Variants in EDN3 observed in about 807,000 individuals in gnomAD.
EDN3 encodes endothelin-3.
In EDN3, 9 loss-of-function variants were observed where a neutral mutation model predicts 21.4. That is an observed-to-expected ratio of 0.42 (90% CI 0.25 to 0.73). The LOEUF is 0.73. EDN3 is among the 30% of genes least tolerant of loss of function. The pLI is 0.26. For missense variants in EDN3, 327 were observed against 309.4 expected, an observed-to-expected ratio of 1.06 and a Z score of -0.43; for synonymous variants, 133 against 126.2, an observed-to-expected ratio of 1.05 and a Z score of -0.36.
chr20:59,319,827 T>C (rs565506202), intron 2 of EDN3, among the ~76,000 whole-genome samples: 34 of 152,180 alleles, frequency 2.2e-4, no homozygotes, highest in African/African-American at 7.9e-4. Context: ...TAATTGGTAC[T>C]ACTCAGTGGG....
At chr20:59,308,257 CT>C (rs1989562320) in intron 2 of EDN3, among the ~76,000 whole-genome samples, 1 of 152,218 alleles carries the variant, frequency 6.6e-6, no homozygotes, top group South Asian at 2.1e-4. Context: ...AGTCTCATTC[CT>C]GGTGCAGGAT....
chr20:59,313,355 G>T (rs1035583303), intron 2 of EDN3, among the ~76,000 whole-genome samples: 3 of 152,194 alleles, frequency 2.0e-5, no homozygotes, highest in African/African-American at 7.2e-5. Context: ...GAGCCAGGGG[G>T]TTGTGCCTGG....
chr20:59,322,177 G>A lies in EDN3; in HGVS notation c.543-195G>A, dbSNP rs529324333. On this transcript the variant is annotated intron_variant, in intron 3 of 4. Transcript: ENST00000337938. The surrounding 1 kb of genome is among the most constrained non-coding windows in gnomAD (Gnocchi z 4.1). ...TTAAACATCCGATGAATAAGTGAGT[G>A]GTGAGTATATTCTGTACTTTGGTAG... Among the ~76,000 whole-genome samples, 1 of 152,298 alleles carries A rather than the reference G, an allele frequency of 6.6e-6. No individual in the cohort carries two copies. Among genetic ancestry groups the A allele is most frequent in the Admixed American group, 6.5e-5 (1 of 15,300 alleles).
In EDN3 at chr20:59,300,821, G is replaced by A. The variant is rs1310752559; in HGVS notation, c.9G>A (p.Pro3=). Residue 3 remains proline, a synonymous_variant, in exon 1 of 5, where the codon CCG becomes CCA. Coordinates refer to ENST00000337938, the MANE Select transcript of EDN3 (RefSeq NM_207034.3). The part of the protein sequence containing the change: ME[P]GLWLLFGLTV... ...GCGCCTGATCTAGGTTCATGGAGCCGGGGCTGTGGCTCCTTTTCGGGCTCA... is the reference window on the plus strand; with the variant it reads ...GCGCCTGATCTAGGTTCATGGAGCCAGGGCTGTGGCTCCTTTTCGGGCTCA... 1 of 1,611,128 alleles carries A rather than the reference G, an allele frequency of 6.2e-7. No individual in the cohort carries two copies.
At chr20:59,316,261 A>G (rs1990178752) in intron 2 of EDN3, among the ~76,000 whole-genome samples, 2 of 152,240 alleles carry the variant, frequency 1.3e-5, no homozygotes, top group Admixed American at 6.5e-5. Context: ...TCAGTACTGG[A>G]TTAAAAGTGT....
Position 59,308,584 on chromosome 20 carries a change from C to A in EDN3, c.365+6862C>A, listed in dbSNP as rs948509056. Among the ~76,000 whole-genome samples the A allele has an allele frequency of 7.9e-5, 12 of 152,312 alleles. 1 individual carries two copies. In the South Asian group the frequency reaches 1.2e-3, roughly 16 times the overall value. The stretch of plus-strand genomic sequence containing the variant: ...GTCACCTCTGAGACCTTCAGTGTCC[C>A]CATCTAGAGAGTGGGGGAATAGATA... On this transcript the variant is annotated intron_variant, in intron 2 of 4. Transcript: ENST00000337938.
At chr20:59,310,064 A>G (rs76389807) in intron 2 of EDN3, among the ~76,000 whole-genome samples, 49 of 152,298 alleles carry the variant, frequency 3.2e-4, no homozygotes, top group African/African-American at 9.4e-4. Flanking sequence ...AGGCACATGA[A>G]AGGCTCTGAT....
chr20:59,324,385 C>G lies in EDN3; in HGVS notation c.643C>G (p.Leu215Val). 6.2e-7 allele frequency: 1 copy of G among 1,614,186 alleles called. No individual in the cohort carries two copies. The highest frequency in any genetic ancestry group is 1.1e-5 in the South Asian group (1 of 91,080). ...KQALDLHHPK[L>V]MPGSGLALAP... ...GGCTTTAGACCTCCACCATCCAAAGCTCATGCCCGGCAGTGGACTCGCCCT... is the reference window on the plus strand; with the variant it reads ...GGCTTTAGACCTCCACCATCCAAAGGTCATGCCCGGCAGTGGACTCGCCCT... The change falls in exon 5 of 5, where the codon CTC (leucine) becomes GTC (valine). Residue 215 changes from leucine (L) to valine (V), a missense_variant. Transcript: ENST00000337938.
chr20:59,321,297 A>G (rs1990529930), intron 3 of EDN3, 104 bp downstream of exon 3: 2 of 1,326,236 alleles, frequency 1.5e-6, no homozygotes, highest in East Asian at 4.6e-5. Flanking sequence ...GTTCAGTCAC[A>G]TCCTGACCTA....
chr20:59,300,733 C>A lies in EDN3; in HGVS notation c.-80C>A. The stretch of plus-strand genomic sequence containing the variant: ...CCCCACAGCTGGAGGGCGAGGCCAG[C>A]TGTACCCGGCCCCAGTGCCCTTTCG... On this transcript the variant is annotated 5_prime_UTR_variant, in exon 1 of 5. In the 5' UTR this introduces an upstream ATG that the reference lacks. Transcript: ENST00000337938. The A allele has an allele frequency of 1.4e-6, 2 of 1,473,254 alleles. No individual in the cohort carries two copies. The highest frequency in any genetic ancestry group is 9.3e-7 in the Non-Finnish European group (1 of 1,079,016). The allele number at this position is 1,473,254 out of a possible 1,614,324, so 91.3% of individuals were successfully genotyped here. A position where few individuals can be genotyped will look rare whatever the true frequency, so the allele number is the denominator to read the frequency against.
intron 2 of EDN3, among the ~76,000 whole-genome samples, chr20:59,315,658 C>A (rs1257683598): frequency 2.6e-5 from 4 of 152,160 alleles, no homozygotes; most frequent in Non-Finnish European, 5.9e-5. Context: ...ATGGAATAAA[C>A]CACTAGACTA....
chr20:59,304,270 A>T (rs1467460845), intron 2 of EDN3, among the ~76,000 whole-genome samples: 2 of 152,182 alleles, frequency 1.3e-5, no homozygotes, highest in Non-Finnish European at 2.9e-5. Context: ...AAAATCACTG[A>T]ATTGAGCAAA....
intron 2 of EDN3, among the ~76,000 whole-genome samples, chr20:59,308,760 C>T (rs149770): frequency 0.14 from 20,941 of 152,204 alleles, 4,130 homozygotes; most frequent in African/African-American, 0.44. Flanking sequence ...AGAAGCCCTT[C>T]CTGGGCCAAA....
chr20:59,307,101 C>T (rs902131500), intron 2 of EDN3, among the ~76,000 whole-genome samples: 3 of 152,260 alleles, frequency 2.0e-5, no homozygotes, highest in Non-Finnish European at 2.9e-5. Flanking sequence ...GCAGAGATCA[C>T]GCCACTGCAC....
At chr20:59,307,744 A>G (rs1392975694) in intron 2 of EDN3, among the ~76,000 whole-genome samples, 1 of 152,122 alleles carries the variant, frequency 6.6e-6, no homozygotes, top group East Asian at 1.9e-4. Flanking sequence ...TGATGCAATC[A>G]TAGGTCACTG....
chr20:59,315,643 G>A (rs1161843809), intron 2 of EDN3, among the ~76,000 whole-genome samples: 3 of 152,038 alleles, frequency 2.0e-5, no homozygotes, highest in Non-Finnish European at 4.4e-5. Context: ...ATCTGCCTTC[G>A]CTTTATGGAA....
intron 2 of EDN3, among the ~76,000 whole-genome samples, chr20:59,315,423 A>C (rs1235832123): frequency 6.6e-6 from 1 of 152,246 alleles, no homozygotes; most frequent in Non-Finnish European, 1.5e-5. Flanking sequence ...CCCAGTTCAG[A>C]AGGAAAAATG....
rs1209547227 is a variant in EDN3, at chr20:59,301,415, G to A, written c.58G>A (p.Val20Met). The change falls in exon 2 of 5, where the codon GTG (valine) becomes ATG (methionine). Residue 20 changes from valine (V) to methionine (M), a missense_variant. Val to Met is a conservative substitution (Grantham distance 21). Coordinates refer to ENST00000337938, the MANE Select transcript of EDN3 (RefSeq NM_207034.3). The stretch of plus-strand genomic sequence containing the variant: ...CCTCAATCTGCCTTCTGCAGGATTC[G>A]TGCCTTGCTCCCAGTCTGGGGATGC... ...GLTVTSAAGFVPCSQSGDAGR... is the reference protein window; with the variant it reads ...GLTVTSAAGFMPCSQSGDAGR... 5 of 1,610,144 alleles carry A rather than the reference G, an allele frequency of 3.1e-6. No homozygotes were observed. The highest frequency in any genetic ancestry group is 3.4e-6 in the Non-Finnish European group (4 of 1,179,986).
chr20:59,306,297 G>T (rs930303554), intron 2 of EDN3, among the ~76,000 whole-genome samples: 1 of 152,180 alleles, frequency 6.6e-6, no homozygotes, highest in Non-Finnish European at 1.5e-5. Context: ...TTGCAGTCCC[G>T]ACTTGTGGAG....
Sources: gnomAD v4.1 joint callset for allele counts (sites outside exome capture counted in the v4.1 genomes callset) on GRCh38, gnomAD v4.1.1 for gene constraint, Gnocchi (gnomAD v3.1) non-coding constraint, MANE v1.5 for transcripts, NCBI Gene and HGNC (gene_info 2026-07-23, HGNC 2026-07-21) for gene names.